Variants in ADGRG6 observed in about 807,000 individuals in gnomAD.
ADGRG6 encodes the protein adhesion G protein-coupled receptor G6.
In ADGRG6, 84 loss-of-function variants were observed where a neutral mutation model predicts 142.4. That is an observed-to-expected ratio of 0.59 (90% CI 0.49 to 0.71). ADGRG6 has a LOEUF of 0.71. Ranked by LOEUF, ADGRG6 falls within the 30% of genes least tolerant of loss-of-function variation. ADGRG6 has a pLI of 0.00. For missense variants in ADGRG6, 1,367 were observed against 1,466.6 expected, an observed-to-expected ratio of 0.93 and a Z score of 1.11; for synonymous variants, 521 against 520.5, an observed-to-expected ratio of 1.00 and a Z score of -0.01.
rs1264548710 is a variant in ADGRG6 at position 142,367,759 on chromosome 6, A to G, written c.294A>G (p.Ser98=). Residue 98 remains serine, a synonymous_variant, in exon 3 of 25, where the codon TCA becomes TCG. Coordinates refer to ENST00000367609, the MANE Select transcript of ADGRG6 (RefSeq NM_198569.3). ...AAGCTCCCAATTGCATTTATGACTC[A>G]TTATCCCTTGATAATGGAGAGAGCC... ...IEEAPNCIYD[S]LSLDNGESQT... is the part of the protein sequence containing the mutation. The G allele has an allele frequency of 2.5e-6, 4 of 1,613,722 alleles. No homozygotes were observed. The highest frequency in any genetic ancestry group is 3.4e-6 in the Non-Finnish European group (4 of 1,179,790).
chr6:142,426,725 CA>C (rs1776966203), intron 22 of ADGRG6, among the ~76,000 whole-genome samples: 1 of 152,206 alleles, frequency 6.6e-6, no homozygotes. Flanking sequence ...ACCCCTGCAG[CA>C]AACTTTTGTC....
intron 6 of ADGRG6, 98 bp downstream of exon 6, chr6:142,383,941 C>T: frequency 1.5e-6 from 1 of 675,372 alleles, no homozygotes; most frequent in Non-Finnish European, 2.6e-6. Context: ...GTGTCTGTTA[C>T]TGGAGTCAAT....
At chr6:142,328,325 C>T (rs140545594) in intron 2 of ADGRG6, among the ~76,000 whole-genome samples, 50 of 152,312 alleles carry the variant, frequency 3.3e-4, no homozygotes, top group African/African-American at 1.1e-3. Flanking sequence ...ACCTCAGCCT[C>T]CTGAGTAGCT....
chr6:142,321,593 TAGA>T (rs1778521807), intron 2 of ADGRG6, among the ~76,000 whole-genome samples: 1 of 152,034 alleles, frequency 6.6e-6, no homozygotes, highest in Non-Finnish European at 1.5e-5. Flanking sequence ...GAGAGGGACA[TAGA>T]GTACGTACTC....
At chr6:142,406,677 AAATGTTTT>A (rs1374056359) in intron 15 of ADGRG6, among the ~76,000 whole-genome samples, 1 of 148,008 alleles carries the variant, frequency 6.8e-6, no homozygotes, top group Admixed American at 6.6e-5. Context: ...TTTTATCAAC[AAATGTTTT>A]AGGAACCAGC....
At position 142,353,406 on chromosome 6, in the gene ADGRG6, A is replaced by G. The variant is rs75723181; in HGVS notation, c.104-14163A>G. On this transcript the variant is annotated intron_variant, in intron 2 of 24. Transcript: ENST00000367609. The stretch of plus-strand genomic sequence containing the variant: ...GGTTTAATCATGATTTATATCAAAC[A>G]TTCTTAGTGTAGGATGTCTCCCTCC... 3.9e-4 allele frequency among the ~76,000 whole-genome samples: 60 copies of G among 152,340 alleles called. No homozygotes were observed. In the East Asian group the frequency reaches 7.5e-3, roughly 19 times the overall value.
chr6:142,310,862 G>T (rs1777735555), intron 2 of ADGRG6, among the ~76,000 whole-genome samples: 1 of 151,790 alleles, frequency 6.6e-6, no homozygotes, highest in Non-Finnish European at 1.5e-5. Context: ...GATGTACAGT[G>T]TTGAACTACT....
rs754147976 is a variant in ADGRG6 at position 142,367,594 on chromosome 6, G to T, written c.129G>T (p.Val43=). The part of the protein sequence containing the change: ...HSVWGCANCR[V]VLSNPSGTFT... ...TGTGGGGATGTGCCAACTGCCGAGTGGTTTTGTCCAACCCTTCTGGGACCT... is the reference window on the plus strand; with the variant it reads ...TGTGGGGATGTGCCAACTGCCGAGTTGTTTTGTCCAACCCTTCTGGGACCT... Residue 43 remains valine (V), a synonymous_variant, in exon 3 of 25, where the codon GTG becomes GTT. Coordinates refer to ENST00000367609, the MANE Select transcript of ADGRG6 (RefSeq NM_198569.3). 1 of 1,613,514 alleles carries T rather than the reference G, an allele frequency of 6.2e-7. No homozygotes were observed. Among genetic ancestry groups the T allele is most frequent in the Non-Finnish European group, 8.5e-7 (1 of 1,179,696 alleles).
In ADGRG6 at chr6:142,446,243, T is replaced by C. The variant is rs1314485853; in HGVS notation, c.*2728T>C. 6.6e-6 allele frequency: 1 copy of C among 152,646 alleles called. No homozygotes were observed. Among genetic ancestry groups the C allele is most frequent in the Non-Finnish European group, 1.5e-5 (1 of 68,032 alleles). The allele number at this position is 152,646 out of a possible 1,614,324, so 9.5% of individuals were successfully genotyped here. On this transcript the variant is annotated 3_prime_UTR_variant, in exon 25 of 25. Transcript: ENST00000367609. ...AATGTTTTTCAAATAAATACTTATG[T>C]TGTTCATGTTCCAAGTTATTCAATT...
At position 142,428,332 on chromosome 6, in the gene ADGRG6, T is replaced by C. The variant is rs2115146387; in HGVS notation, c.3319+8228T>C. On this transcript the variant is annotated intron_variant, in intron 22 of 24. Coordinates refer to ENST00000367609, the MANE Select transcript of ADGRG6 (RefSeq NM_198569.3). ...ATTGCCAAAAATTATGTTAAATGGG[T>C]ATCAGAAAATTGTTACTATCTGTTT... is the stretch of plus-strand genomic sequence containing the variant. 1.3e-5 allele frequency among the ~76,000 whole-genome samples: 2 copies of C among 152,286 alleles called. 1 individual carries two copies. Among genetic ancestry groups the C allele is most frequent in the South Asian group, 4.1e-4 (2 of 4,826 alleles).
intron 20 of ADGRG6, 72 bp from the exon 21 acceptor site, chr6:142,417,187 TTTCTTTTCTTTACA>T (rs1223216611): frequency 7.7e-6 from 6 of 775,424 alleles, no homozygotes; most frequent in Non-Finnish European, 1.4e-5. Context: ...CTTCTTTTCA[TTTCTTTTCTTTACA>T]TTTCATTAGC....
At chr6:142,356,726 C>T (rs901849599) in intron 2 of ADGRG6, among the ~76,000 whole-genome samples, 7 of 152,050 alleles carry the variant, frequency 4.6e-5, no homozygotes, top group East Asian at 1.9e-4. Flanking sequence ...ATCAGAACCT[C>T]GGGGGCTAGT....
At chr6:142,346,983 C>A (rs902205003) in intron 2 of ADGRG6, among the ~76,000 whole-genome samples, 2 of 151,984 alleles carry the variant, frequency 1.3e-5, no homozygotes, top group East Asian at 3.9e-4. Context: ...ATGTAACAAA[C>A]CTGTACCTTC....
chr6:142,325,109 G>T (rs1325639757), intron 2 of ADGRG6, among the ~76,000 whole-genome samples: 1 of 152,072 alleles, frequency 6.6e-6, no homozygotes, highest in Non-Finnish European at 1.5e-5. Flanking sequence ...TTTGTCTCTT[G>T]CTGTATACCT....
chr6:142,401,929 C>A, intron 11 of ADGRG6, 65 bp from the exon 12 acceptor site: 3 of 732,828 alleles, frequency 4.1e-6, no homozygotes, highest in East Asian at 2.8e-5. Context: ...TGTAAAAATC[C>A]CTTTAAGCAG....
In ADGRG6 at chr6:142,397,566, G is replaced by A. The variant is rs371437328; in HGVS notation, c.1425-47G>A. The A allele has an allele frequency of 7.6e-6, 12 of 1,574,096 alleles. No homozygotes were observed. In the African/African-American group the frequency reaches 1.5e-4, roughly 20 times the overall value. ...CTCTGTTTCTCCTACCAAATGACAA[G>A]CAACCAATGAACAACAACAACAGTT... On this transcript the variant is annotated intron_variant, in intron 9 of 24. Coordinates refer to ENST00000367609, the MANE Select transcript of ADGRG6 (RefSeq NM_198569.3).
chr6:142,314,994 G>C (rs1438557103), intron 2 of ADGRG6, among the ~76,000 whole-genome samples: 1 of 151,712 alleles, frequency 6.6e-6, no homozygotes, highest in East Asian at 1.9e-4. Flanking sequence ...GTGTGTGTGT[G>C]TGTGTGTGTG....
At chr6:142,404,153 G>T in intron 14 of ADGRG6, 180 bp downstream of exon 14, 1 of 584,730 alleles carries the variant, frequency 1.7e-6, no homozygotes. Context: ...GAGTGGGTAT[G>T]CTTTCATAAT....
At chr6:142,373,648 C>G (rs1336457856) in intron 4 of ADGRG6, among the ~76,000 whole-genome samples, 2 of 152,168 alleles carry the variant, frequency 1.3e-5, no homozygotes, top group Non-Finnish European at 2.9e-5. Context: ...AAGTGATCCT[C>G]CTACTTCAGC....
Sources: gnomAD v4.1 joint callset for allele counts (sites outside exome capture counted in the v4.1 genomes callset) on GRCh38, gnomAD v4.1.1 for gene constraint, MANE v1.5 for transcripts, NCBI Gene and HGNC (gene_info 2026-07-23, HGNC 2026-07-21) for gene names.